The following XKR6 variants were observed in gnomAD, a reference collection of about 807,000 sequenced individuals.
XKR6 encodes XK related 6, also known as XK-related protein 6.
XKR6 carries 22 observed loss-of-function variants against 56.7 expected under a neutral mutation model. That is an observed-to-expected ratio of 0.39 (90% CI 0.28 to 0.55). The LOEUF is 0.55. Among genes scored for constraint, XKR6 ranks in the 20% least tolerant of loss-of-function variants. The pLI is 0.66. For missense variants in XKR6, 852 were observed against 889.0 expected, an observed-to-expected ratio of 0.96 and a Z score of 0.53; for synonymous variants, 524 against 387.8, an observed-to-expected ratio of 1.35 and a Z score of -4.13.
intron 1 of XKR6, among the ~76,000 whole-genome samples, chr8:11,052,608 C>T (rs1799579530): frequency 6.6e-6 from 1 of 152,238 alleles, no homozygotes; most frequent in African/African-American, 2.4e-5. Flanking sequence ...GGCTGTCTGG[C>T]CTGTGGGGGA....
intron 1 of XKR6, chr8:11,126,006 G>C (rs1799766695): frequency 6.6e-6 from 1 of 151,780 alleles, no homozygotes; most frequent in Non-Finnish European, 1.5e-5. Context: ...CAAACACCAA[G>C]TAAGTCTGCT....
intron 1 of XKR6, among the ~76,000 whole-genome samples, chr8:10,998,227 C>A (rs915754553): frequency 6.6e-6 from 1 of 151,990 alleles, no homozygotes; most frequent in Non-Finnish European, 1.5e-5. Flanking sequence ...CCCAAGCAAG[C>A]TCCCCAACAA....
intron 1 of XKR6, among the ~76,000 whole-genome samples, chr8:10,925,682 C>T (rs992271587): frequency 1.3e-5 from 2 of 152,198 alleles, no homozygotes; most frequent in East Asian, 1.9e-4. Context: ...CTAGTTATTC[C>T]AGCTCTGTGT....
chr8:10,974,371 C>G (rs888356339), intron 1 of XKR6, among the ~76,000 whole-genome samples: 4 of 152,202 alleles, frequency 2.6e-5, no homozygotes, highest in Non-Finnish European at 5.9e-5. Flanking sequence ...CCAGCTAATT[C>G]TCTCCTGAGT....
chr8:11,032,133 T>A (rs1002794226), intron 1 of XKR6, among the ~76,000 whole-genome samples: 11 of 152,304 alleles, frequency 7.2e-5, no homozygotes, highest in African/African-American at 2.6e-4. Flanking sequence ...TCTGGGAGAA[T>A]CTTGCCTTTG....
intron 1 of XKR6, among the ~76,000 whole-genome samples, chr8:11,112,266 T>C (rs78356668): frequency 0.015 from 2,260 of 152,360 alleles, 23 homozygotes; most frequent in Non-Finnish European, 0.021. Flanking sequence ...TTTGTTCTTA[T>C]GCATCTCATA....
intron 1 of XKR6, among the ~76,000 whole-genome samples, chr8:11,026,427 C>T (rs1324080927): frequency 2.0e-5 from 3 of 151,536 alleles, no homozygotes; most frequent in South Asian, 2.1e-4. Flanking sequence ...GATGGTCTAG[C>T]CTACTACACA....
chr8:11,143,578 A>G (rs1464402723), intron 1 of XKR6, among the ~76,000 whole-genome samples: 1 of 152,206 alleles, frequency 6.6e-6, no homozygotes, highest in Non-Finnish European at 1.5e-5. Flanking sequence ...TACCAAAACC[A>G]AATTATTTAG....
intron 1 of XKR6, chr8:11,124,076 C>A: frequency 2.2e-6 from 1 of 450,764 alleles, no homozygotes; most frequent in Non-Finnish European, 4.5e-6. Context: ...CTCTCTAGCA[C>A]GATTTCCTAC....
rs893133438 is a variant in XKR6, at chr8:11,017,508, G to A, written c.765-92678C>T. ...CTGCAAGGTTGCCTGCAAGTAACACGACATTTGTTCATTCTTTCAAGCATC... is the reference window on the plus strand; with the variant it reads ...CTGCAAGGTTGCCTGCAAGTAACACAACATTTGTTCATTCTTTCAAGCATC... On this transcript the variant is annotated intron_variant, in intron 1 of 2. Transcript: ENST00000416569. Among the ~76,000 whole-genome samples, 8 of 152,352 alleles carry A rather than the reference G, an allele frequency of 5.3e-5. No individual in the cohort carries two copies. In the South Asian group the frequency reaches 1.7e-3, roughly 32 times the overall value.
intron 1 of XKR6, among the ~76,000 whole-genome samples, chr8:10,949,335 C>T (rs1801648646): frequency 6.6e-6 from 1 of 152,252 alleles, no homozygotes; most frequent in Non-Finnish European, 1.5e-5. Flanking sequence ...CCTTGGTGAC[C>T]CAGCATGGGC....
At chr8:10,916,533 G>T (rs1800568380) in intron 2 of XKR6, among the ~76,000 whole-genome samples, 1 of 152,238 alleles carries the variant, frequency 6.6e-6, no homozygotes, top group Non-Finnish European at 1.5e-5. Flanking sequence ...GGAGAGGAAA[G>T]AGAGGAGGCC....
At chr8:11,118,936 G>C (rs1029940633) in intron 1 of XKR6, among the ~76,000 whole-genome samples, 1 of 152,044 alleles carries the variant, frequency 6.6e-6, no homozygotes, top group African/African-American at 2.4e-5. Context: ...GCTTTCTCTT[G>C]TGGGCATTTA....
intron 1 of XKR6, among the ~76,000 whole-genome samples, chr8:11,198,686 C>G (rs892806101): frequency 1.3e-5 from 2 of 152,152 alleles, no homozygotes; most frequent in Non-Finnish European, 2.9e-5. Flanking sequence ...TGTCTCAAAG[C>G]TTACTACTAG....
At chr8:10,919,721 C>T (rs891030664) in intron 2 of XKR6, among the ~76,000 whole-genome samples, 1 of 152,188 alleles carries the variant, frequency 6.6e-6, no homozygotes. Flanking sequence ...CTGACTTTTC[C>T]TACTGCACTG....
chr8:11,157,498 G>GTATA (rs542617108), intron 1 of XKR6, among the ~76,000 whole-genome samples: 11,353 of 149,342 alleles, frequency 0.076, 663 homozygotes, highest in African/African-American at 0.17. Context: ...ATGTATGTAT[G>GTATA]TATGTATGTA....
intron 1 of XKR6, among the ~76,000 whole-genome samples, chr8:10,995,693 CAA>C (rs33957321): frequency 2.2e-4 from 25 of 114,926 alleles, no homozygotes; most frequent in Admixed American, 4.7e-4. Context: ...ATCTCCCCAC[CAA>C]AAAAAAAAAA....
At chr8:11,149,277 A>G (rs1307147995) in intron 1 of XKR6, among the ~76,000 whole-genome samples, 2 of 152,224 alleles carry the variant, frequency 1.3e-5, no homozygotes, top group Non-Finnish European at 1.5e-5. Context: ...CCTAGGCTAC[A>G]AACCTGCATG....
chr8:11,020,436 A>T lies in XKR6; in HGVS notation c.765-95606T>A, dbSNP rs772799887. On this transcript the variant is annotated intron_variant, in intron 1 of 2. Transcript: ENST00000416569. ...CAATGATGTGGCAAGCCCTGTGCTA[A>T]GTTCCTTGTGACCTCACCTGTAAAC... Among the ~76,000 whole-genome samples, 28 of 152,190 alleles carry T rather than the reference A, an allele frequency of 1.8e-4. 1 individual carries two copies. Among genetic ancestry groups the T allele is most frequent in the Admixed American group, 6.5e-5 (1 of 15,284 alleles).
Sources: allele counts gnomAD v4.1 joint callset (sites outside exome capture counted in the v4.1 genomes callset), GRCh38; gene constraint gnomAD v4.1.1; transcripts MANE v1.5; gene names NCBI Gene and HGNC (gene_info 2026-07-23, HGNC 2026-07-21).